ARHGAP42: variants seen among roughly 807,000 people sequenced by gnomAD.
ARHGAP42 encodes Rho GTPase activating protein 42.
Under a neutral mutation model 125.0 loss-of-function variants are expected in ARHGAP42, and 63 were observed. The observed-to-expected ratio is 0.50, with a 90% CI of 0.41 to 0.62. ARHGAP42 has a LOEUF of 0.62. ARHGAP42 is among the 20% of genes least tolerant of loss of function. ARHGAP42 has a pLI of 0.00. For synonymous variants in ARHGAP42, 339 were observed against 351.0 expected (o/e 0.97, Z 0.38); for missense variants, 766 against 1,024.2 (o/e 0.75, Z 3.44).
chr11:100,947,392 T>C (rs554451227), intron 10 of ARHGAP42, among the ~76,000 whole-genome samples: 1 of 152,090 alleles, frequency 6.6e-6, no homozygotes, highest in Non-Finnish European at 1.5e-5. Context: ...AACATGTTAA[T>C]GCTTTGTCTT....
chr11:100,801,184 T>A (rs931166401), intron 3 of ARHGAP42, among the ~76,000 whole-genome samples: 1 of 152,110 alleles, frequency 6.6e-6, no homozygotes, highest in African/African-American at 2.4e-5. Context: ...TATGTATAGA[T>A]GGTGAGAGAT....
chr11:100,693,380 G>A (rs553865230), intron 1 of ARHGAP42, among the ~76,000 whole-genome samples: 30 of 152,260 alleles, frequency 2.0e-4, no homozygotes, highest in African/African-American at 5.5e-4. Context: ...ATTAATTTTA[G>A]GAACTAGTAG....
chr11:100,711,742 A>G (rs1166658329), intron 1 of ARHGAP42, among the ~76,000 whole-genome samples: 4 of 152,226 alleles, frequency 2.6e-5, no homozygotes, highest in African/African-American at 9.6e-5. Context: ...AGGGGAAAGA[A>G]AGGTCAGGAA....
chr11:100,949,709 C>A lies in ARHGAP42; in HGVS notation c.1123-208C>A, dbSNP rs138799665. On this transcript the variant is annotated intron_variant, in intron 11 of 23. Coordinates refer to ENST00000298815, the MANE Select transcript of ARHGAP42 (RefSeq NM_152432.4). ...AACCTTGTCCAGGGCAGCACAGCCA[C>A]GGATGGAAAAGGAGTGGGAAGTGAG... Among the ~76,000 whole-genome samples, 4 of 152,020 alleles carry A rather than the reference C, an allele frequency of 2.6e-5. 1 individual carries two copies. The South Asian group carries it at 8.3e-4, about 32-fold the overall frequency.
intron 1 of ARHGAP42, among the ~76,000 whole-genome samples, chr11:100,724,092 T>G (rs1861813187): frequency 6.6e-6 from 1 of 152,214 alleles, no homozygotes; most frequent in Admixed American, 6.5e-5. Flanking sequence ...TTAAGATTTT[T>G]CTTCTTTAGC....
At position 100,840,871 on chromosome 11, in the gene ARHGAP42, A is replaced by G. The variant is rs368620196; in HGVS notation, c.313-18683A>G. Among the ~76,000 whole-genome samples the G allele has an allele frequency of 5.3e-5, 8 of 152,284 alleles. No homozygotes were observed. In the East Asian group the frequency reaches 1.2e-3, roughly 22 times the overall value. On this transcript the variant is annotated intron_variant, in intron 3 of 23. Transcript: ENST00000298815. Reference sequence around the variant, plus strand: ...TCATTTTACTTCAGGTCAGCTAGGTAAAAGACACTATGTTAGTGCTGAGTC... The same window carrying G: ...TCATTTTACTTCAGGTCAGCTAGGTGAAAGACACTATGTTAGTGCTGAGTC...
chr11:100,844,930 A>T (rs1865026409), intron 3 of ARHGAP42, among the ~76,000 whole-genome samples: 1 of 152,252 alleles, frequency 6.6e-6, no homozygotes, highest in African/African-American at 2.4e-5. Flanking sequence ...CAGCAATCCC[A>T]CTACTGGGTA....
chr11:100,882,456 G>T (rs971460254), intron 4 of ARHGAP42, among the ~76,000 whole-genome samples: 5 of 151,216 alleles, frequency 3.3e-5, no homozygotes, highest in Non-Finnish European at 7.4e-5. Flanking sequence ...CATCATCATG[G>T]TGGGTTAGCT....
At chr11:100,846,102 C>T (rs993936570) in intron 3 of ARHGAP42, among the ~76,000 whole-genome samples, 8 of 152,184 alleles carry the variant, frequency 5.3e-5, no homozygotes, top group African/African-American at 1.9e-4. Context: ...AAGTTAATCT[C>T]ATCCATTCAC....
chr11:100,960,771 T>G, intron 13 of ARHGAP42, 144 bp from the exon 14 acceptor site: 1 of 476,944 alleles, frequency 2.1e-6, no homozygotes, highest in Non-Finnish European at 3.7e-6. Flanking sequence ...TGATGGGTAT[T>G]TCCAGGATAG....
At chr11:100,984,072 G>T (rs1591340768) in intron 22 of ARHGAP42, among the ~76,000 whole-genome samples, 1 of 150,876 alleles carries the variant, frequency 6.6e-6, no homozygotes, top group East Asian at 1.9e-4. Context: ...AGCCATGATT[G>T]CACTATTGCA....
chr11:100,984,973 C>T (rs890966141), intron 22 of ARHGAP42, among the ~76,000 whole-genome samples: 8 of 152,052 alleles, frequency 5.3e-5, no homozygotes, highest in Admixed American at 1.3e-4. Flanking sequence ...AAGAAAATTC[C>T]GTCTAGTCAG....
At chr11:100,722,813 T>C (rs1270758279) in intron 1 of ARHGAP42, among the ~76,000 whole-genome samples, 2 of 152,250 alleles carry the variant, frequency 1.3e-5, no homozygotes, top group African/African-American at 4.8e-5. Context: ...AAGTGCAACT[T>C]ACCAGTTTTT....
At chr11:100,969,098 C>G (rs1211588926) in intron 17 of ARHGAP42, among the ~76,000 whole-genome samples, 3 of 152,030 alleles carry the variant, frequency 2.0e-5, no homozygotes, top group African/African-American at 2.4e-5. Flanking sequence ...CTTTATTTCA[C>G]CTTCCTTTTT....
intron 1 of ARHGAP42, among the ~76,000 whole-genome samples, chr11:100,765,009 GAA>G: frequency 6.6e-6 from 1 of 152,106 alleles, no homozygotes; most frequent in Middle Eastern, 3.2e-3. Context: ...GGACTTGAGA[GAA>G]ATCTTGAAAA....
At chr11:100,771,788 A>T (rs887129536) in intron 2 of ARHGAP42, among the ~76,000 whole-genome samples, 1 of 152,074 alleles carries the variant, frequency 6.6e-6, no homozygotes, top group Non-Finnish European at 1.5e-5. Context: ...CTTTTAGTAG[A>T]GACGGGGTTT....
chr11:100,985,663 C>T (rs943741865), intron 22 of ARHGAP42, among the ~76,000 whole-genome samples: 1 of 152,164 alleles, frequency 6.6e-6, no homozygotes, highest in African/African-American at 2.4e-5. Flanking sequence ...TTCACTGGGA[C>T]GTTGTGCTGT....
At position 100,921,366 on chromosome 11, in the gene ARHGAP42, C is replaced by G. The variant is rs1867263637; in HGVS notation, c.487-128C>G. On this transcript the variant is annotated intron_variant, in intron 5 of 23. Coordinates refer to ENST00000298815, the MANE Select transcript of ARHGAP42 (RefSeq NM_152432.4). Reference sequence around the variant, plus strand: ...CCCATACACTATAAGCTCCTGTAGGCAAGGACTATAATAAGTGCTGTGTTA... The same window carrying G: ...CCCATACACTATAAGCTCCTGTAGGGAAGGACTATAATAAGTGCTGTGTTA... 4.4e-5 allele frequency: 28 copies of G among 632,178 alleles called. No homozygotes were observed. In the South Asian group the frequency reaches 5.3e-4, roughly 12 times the overall value. The allele number at this position is 632,178 out of a possible 1,614,324, so 39.2% of individuals were successfully genotyped here.
intron 17 of ARHGAP42, among the ~76,000 whole-genome samples, chr11:100,971,459 A>G (rs73579229): frequency 0.01 from 1,554 of 152,274 alleles, 26 homozygotes; most frequent in African/African-American, 0.034. Flanking sequence ...TCAGCTCCCT[A>G]CATGAATTGG....
Sources: gnomAD v4.1 joint callset for allele counts (sites outside exome capture counted in the v4.1 genomes callset) on GRCh38, gnomAD v4.1.1 for gene constraint, MANE v1.5 for transcripts, NCBI Gene and HGNC (gene_info 2026-07-23, HGNC 2026-07-21) for gene names.